Variants in SLC39A14 observed in about 807,000 individuals in gnomAD.
The protein encoded by SLC39A14 is solute carrier family 39 member 14.
In SLC39A14, 19 loss-of-function variants were observed where a neutral mutation model predicts 45.5. That is an observed-to-expected ratio of 0.42 (90% CI 0.29 to 0.61). The LOEUF is 0.61. Ranked by LOEUF, SLC39A14 falls within the 20% of genes least tolerant of loss-of-function variation. The probability of loss-of-function intolerance (pLI) is 0.22; values close to 1 mark genes in which losing one functional copy is unlikely to be tolerated. For synonymous variants in SLC39A14, 264 were observed against 251.3 expected (o/e 1.05, Z -0.48); for missense variants, 447 against 616.5 (o/e 0.73, Z 2.91).
At chr8:22,408,554 A>G (rs921579731) in intron 3 of SLC39A14, 58 bp downstream of exon 3, 1 of 1,494,094 alleles carries the variant, frequency 6.7e-7, no homozygotes, top group Non-Finnish European at 9.0e-7. Context: ...TCTCACAAGG[A>G]CCCCTGGGCT....
Position 22,421,948 on chromosome 8 carries a change from A to G in SLC39A14, c.*2250A>G. The G allele has an allele frequency of 2.0e-6, 2 of 985,426 alleles. No homozygotes were observed. The highest frequency in any genetic ancestry group is 1.7e-5 in the African/African-American group (1 of 57,340). 61.0% of individuals were successfully genotyped at this position (985,426 alleles called of 1,614,324 possible). A position where few individuals can be genotyped will look rare whatever the true frequency, so the allele number is the denominator to read the frequency against. On this transcript the variant is annotated 3_prime_UTR_variant, in exon 9 of 9. Transcript: ENST00000381237. ...CAAAGGGAAATCCTCTTTAAACCGTAGTTGGCGCAGAGGTCAGTCCTAGTC... is the reference window on the plus strand; with the variant it reads ...CAAAGGGAAATCCTCTTTAAACCGTGGTTGGCGCAGAGGTCAGTCCTAGTC...
At chr8:22,412,231 C>G in intron 4 of SLC39A14, 25 bp downstream of exon 4, 1 of 1,549,178 alleles carries the variant, frequency 6.5e-7, no homozygotes, top group Non-Finnish European at 8.7e-7. Context: ...GGCCTTCACC[C>G]CGGAGCATGC....
At chr8:22,409,246 T>G (rs574718059) in intron 3 of SLC39A14, among the ~76,000 whole-genome samples, 2 of 152,204 alleles carry the variant, frequency 1.3e-5, no homozygotes, top group African/African-American at 4.8e-5. Flanking sequence ...GAGCTGTGAG[T>G]GTACACCCTG....
At position 22,419,574 on chromosome 8, in the gene SLC39A14, G is replaced by A; in HGVS notation, c.1355G>A (p.Cys452Tyr). 1.2e-6 allele frequency: 2 copies of A among 1,613,736 alleles called. No individual in the cohort carries two copies. The highest frequency in any genetic ancestry group is 1.7e-6 in the Non-Finnish European group (2 of 1,179,868). ...CAGTTCCCTGAGATGAATGAGGTCT[G>A]TCAAGAGGATGAAAGGAAGGGCAGC... ...ADMFPEMNEV[C>Y]QEDERKGSIL... The change falls in exon 9 of 9, where the codon TGT becomes TAT. Residue 452 changes from cysteine to tyrosine, a missense_variant. By Grantham distance (194) the Cys-to-Tyr change is radical. Coordinates refer to ENST00000381237, the MANE Select transcript of SLC39A14 (RefSeq NM_001128431.4).
At chr8:22,427,127 T>A (rs531700864), downstream of SLC39A14, among the ~76,000 whole-genome samples, 1 of 152,054 alleles carries the variant, frequency 6.6e-6, no homozygotes, top group African/African-American at 2.4e-5. Context: ...ACCCTGTCTC[T>A]ACCAAAAATA....
Position 22,420,944 on chromosome 8 carries a change from ACT to A in SLC39A14, c.*1252_*1253del, listed in dbSNP as rs1315347554. 1.0e-6 allele frequency: 1 copy of A among 985,544 alleles called. No homozygotes were observed. Among genetic ancestry groups the A allele is most frequent in the East Asian group, 1.1e-4 (1 of 8,826 alleles). 61.0% of individuals were successfully genotyped at this position (985,544 alleles called of 1,614,324 possible). A position where few individuals can be genotyped will look rare whatever the true frequency, so the allele number is the denominator to read the frequency against. ...ATTGAATTGAATATGAATTTCTCTA[ACT>A]CTCTCCAGAAAATGGATGGAGATAA... On this transcript the variant is annotated 3_prime_UTR_variant, in exon 9 of 9. Coordinates refer to ENST00000381237, the MANE Select transcript of SLC39A14 (RefSeq NM_001128431.4).
chr8:22,417,923 G>T, intron 8 of SLC39A14, 88 bp downstream of exon 8: 2 of 1,153,214 alleles, frequency 1.7e-6, no homozygotes, highest in Non-Finnish European at 2.4e-6. Flanking sequence ...ATTTTTTTGA[G>T]ATGGAGTCTC....
chr8:22,395,748 G>A (rs1228043535), intron 1 of SLC39A14, among the ~76,000 whole-genome samples: 3 of 152,166 alleles, frequency 2.0e-5, no homozygotes, highest in Non-Finnish European at 4.4e-5. Flanking sequence ...TGGAGCAGTG[G>A]TGAGGAACAG....
At position 22,377,486 on chromosome 8, in the gene SLC39A14, A is replaced by T. The variant is rs529659591; in HGVS notation, c.-16+10078A>T. 2.0e-5 allele frequency among the ~76,000 whole-genome samples: 3 copies of T among 152,320 alleles called. No individual in the cohort carries two copies. The East Asian group carries it at 5.8e-4, about 29-fold the overall frequency. On this transcript the variant is annotated intron_variant, in intron 1 of 8. Coordinates refer to ENST00000381237, the MANE Select transcript of SLC39A14 (RefSeq NM_001128431.4). ...CATTGCTTCTGGGTCCTCTCAGCAG[A>T]CAAAGCTAGGAAACAGATAATTCAG...
At chr8:22,392,674 C>G (rs1834146528) in intron 1 of SLC39A14, among the ~76,000 whole-genome samples, 1 of 152,160 alleles carries the variant, frequency 6.6e-6, no homozygotes. Flanking sequence ...CACCGGCTGG[C>G]CACTGTGGGC....
intron 1 of SLC39A14, chr8:22,379,477 A>T (rs952960341): frequency 6.6e-6 from 1 of 152,250 alleles, no homozygotes; most frequent in African/African-American, 2.4e-5. Flanking sequence ...TCCTCAGACC[A>T]TCTGCTCCCC....
chr8:22,417,187 G>T (rs886227435), intron 7 of SLC39A14, among the ~76,000 whole-genome samples: 2 of 152,204 alleles, frequency 1.3e-5, no homozygotes, highest in African/African-American at 2.4e-5. Flanking sequence ...TTAACTTCTC[G>T]CAGTTTTGAT....
intron 1 of SLC39A14, among the ~76,000 whole-genome samples, chr8:22,378,877 A>C (rs549956901): frequency 9.8e-5 from 15 of 152,310 alleles, no homozygotes; most frequent in Non-Finnish European, 1.9e-4. Flanking sequence ...CTGGCACCAA[A>C]GTATTTACCT....
chr8:22,419,456 T>C, intron 8 of SLC39A14, 96 bp from the exon 9 acceptor site: 2 of 1,287,910 alleles, frequency 1.6e-6, no homozygotes, highest in Non-Finnish European at 2.2e-6. Context: ...ATTTTCTTTG[T>C]CAACCAACCT....
At position 22,422,697 on chromosome 8, in the gene SLC39A14, A is replaced by G; in HGVS notation, c.*2999A>G. 1.0e-6 allele frequency: 1 copy of G among 985,324 alleles called. No individual in the cohort carries two copies. The highest frequency in any genetic ancestry group is 1.2e-6 in the Non-Finnish European group (1 of 829,814). 61.0% of individuals were successfully genotyped at this position (985,324 alleles called of 1,614,324 possible). ...GTAATTGTTGAGAATCCCACGGGTG[A>G]TCATTTGCAATAAATGTGGATGTAA... On this transcript the variant is annotated 3_prime_UTR_variant, in exon 9 of 9. Coordinates refer to ENST00000381237, the MANE Select transcript of SLC39A14 (RefSeq NM_001128431.4).
chr8:22,386,386 C>A (rs573441308), intron 1 of SLC39A14, among the ~76,000 whole-genome samples: 28 of 151,980 alleles, frequency 1.8e-4, no homozygotes, highest in Non-Finnish European at 3.2e-4. Flanking sequence ...CCTGCCTCAG[C>A]CTCCCGAGTA....
At chr8:22,393,153 G>A (rs1366568788) in intron 1 of SLC39A14, 4 of 974,240 alleles carry the variant, frequency 4.1e-6, no homozygotes, top group Non-Finnish European at 4.9e-6. Flanking sequence ...TTCCCACCCT[G>A]GGTGCGCTTT....
rs1238540283 is a variant in SLC39A14, at chr8:22,373,446, G to A, written c.-16+6038G>A. Among the ~76,000 whole-genome samples, 6 of 152,168 alleles carry A rather than the reference G, an allele frequency of 3.9e-5. No homozygotes were observed. The East Asian group carries it at 1.2e-3, about 29-fold the overall frequency. ...TTTGCTGTTAAGAAGTCAGTTAAAA[G>A]TTCTGAGAACAAATTGAGCTAATCT... On this transcript the variant is annotated intron_variant, in intron 1 of 8. Transcript: ENST00000381237.
chr8:22,425,528 G>A (rs1468312228), downstream of SLC39A14, among the ~76,000 whole-genome samples: 3 of 131,252 alleles, frequency 2.3e-5, no homozygotes, highest in African/African-American at 9.9e-5. Context: ...GGTGGCTTTC[G>A]GCTGACTTTT....
Sources: gnomAD v4.1 joint callset for allele counts (sites outside exome capture counted in the v4.1 genomes callset) on GRCh38, gnomAD v4.1.1 for gene constraint, MANE v1.5 for transcripts, NCBI Gene and HGNC (gene_info 2026-07-23, HGNC 2026-07-21) for gene names.